PIN1: variants seen among roughly 807,000 people sequenced by gnomAD.
The protein encoded by PIN1 is peptidylprolyl cis/trans isomerase, NIMA-interacting 1, also known as peptidyl-prolyl cis-trans isomerase NIMA-interacting 1.
Under a neutral mutation model 19.9 loss-of-function variants are expected in PIN1, and 8 were observed. The ratio of observed to expected loss-of-function variants is 0.40; its 90% CI spans 0.24 to 0.72. PIN1 has a LOEUF of 0.72. Among genes scored for constraint, PIN1 ranks in the 30% least tolerant of loss-of-function variants. The pLI, the probability that PIN1 is intolerant of heterozygous loss-of-function variation, is 0.37. For missense variants in PIN1, 185 were observed against 226.5 expected (o/e 0.82, Z 1.18); for synonymous variants, 86 against 90.8 (o/e 0.95, Z 0.30).
rs981681899 is a variant in PIN1, at chr19:9,835,367, C to T, written c.23C>T (p.Pro8Leu). The T allele has an allele frequency of 1.1e-4, 168 of 1,521,278 alleles. No individual in the cohort carries two copies. The highest frequency in any genetic ancestry group is 1.3e-4 in the Non-Finnish European group (150 of 1,141,334). The allele number at this position is 1,521,278 out of a possible 1,614,324, so 94.2% of individuals were successfully genotyped here. Residue 8 changes from proline (P) to leucine (L), a missense_variant, in exon 1 of 4, where the codon CCG (proline) becomes CTG (leucine). Pro to Leu is a moderately conservative substitution (Grantham distance 98, BLOSUM62 -3). Coordinates refer to ENST00000247970, the MANE Select transcript of PIN1 (RefSeq NM_006221.4). MADEEKL[P>L]PGWEKRMSRS... is the part of the protein sequence containing the mutation. ...AAGATGGCGGACGAGGAGAAGCTGCCGCCCGGCTGGGAGAAGCGCATGAGC... is the reference window on the plus strand; with the variant it reads ...AAGATGGCGGACGAGGAGAAGCTGCTGCCCGGCTGGGAGAAGCGCATGAGC...
intron 1 of PIN1, chr19:9,836,137 C>G (rs531014585): frequency 6.6e-6 from 1 of 152,262 alleles, no homozygotes; most frequent in South Asian, 2.1e-4. Flanking sequence ...CCTACAAATC[C>G]CCCTCCCCGT....
intron 3 of PIN1, 179 bp downstream of exon 3, chr19:9,848,319 C>T: frequency 3.3e-6 from 2 of 609,968 alleles, no homozygotes; most frequent in East Asian, 5.6e-5. Flanking sequence ...GCCAGGGCCA[C>T]ACAGGGAGGG....
In PIN1 at chr19:9,838,410, G is replaced by GA; in HGVS notation, c.59-24dup. The GA allele has an allele frequency of 6.4e-7, 1 of 1,570,058 alleles. No homozygotes were observed. Among genetic ancestry groups the GA allele is most frequent in the Non-Finnish European group, 8.7e-7 (1 of 1,155,960 alleles). On this transcript the variant is annotated intron_variant, in intron 1 of 3. Coordinates refer to ENST00000247970, the MANE Select transcript of PIN1 (RefSeq NM_006221.4). This position sits in a 1 kb window ranked among gnomAD's most constrained non-coding sequence, Gnocchi z 5.8. ...GTGTCCTGGGAGCACAACCCTAGCT[G>GA]AATTCCTGCCTGCCCTCCCCTCCAG...
intron 1 of PIN1, chr19:9,837,465 T>C (rs1335908223): frequency 1.3e-5 from 2 of 149,246 alleles, no homozygotes; most frequent in African/African-American, 5.4e-5. Flanking sequence ...GCCTGTTGTT[T>C]TTGTTTTTGT....
chr19:9,844,413 A>G (rs2046199024), intron 2 of PIN1, among the ~76,000 whole-genome samples: 1 of 152,166 alleles, frequency 6.6e-6, no homozygotes, highest in Non-Finnish European at 1.5e-5. Flanking sequence ...TCTGGACCTG[A>G]TGGAGTCTGG....
Position 9,835,333 on chromosome 19 carries a change from G to C in PIN1, c.-12G>C. On this transcript the variant is annotated 5_prime_UTR_variant, in exon 1 of 4. Coordinates refer to ENST00000247970, the MANE Select transcript of PIN1 (RefSeq NM_006221.4). Reference sequence around the variant, plus strand: ...CAGCTGAGGCGGAGCAGGCGCTGCGGCAGGAGGGAAGATGGCGGACGAGGA... The same window carrying C: ...CAGCTGAGGCGGAGCAGGCGCTGCGCCAGGAGGGAAGATGGCGGACGAGGA... 2.0e-6 allele frequency: 3 copies of C among 1,525,054 alleles called. No homozygotes were observed. Among genetic ancestry groups the C allele is most frequent in the Non-Finnish European group, 2.6e-6 (3 of 1,142,292 alleles). 94.5% of individuals were successfully genotyped at this position (1,525,054 alleles called of 1,614,324 possible).
chr19:9,842,279 G>A (rs1056161822), intron 2 of PIN1, among the ~76,000 whole-genome samples: 1 of 152,192 alleles, frequency 6.6e-6, no homozygotes, highest in Non-Finnish European at 1.5e-5. Context: ...GGATGTCTGG[G>A]GGAGGGTCAG....
In PIN1 at chr19:9,835,366, C is replaced by T. The variant is rs1275698758; in HGVS notation, c.22C>T (p.Pro8Ser). 4.6e-6 allele frequency: 7 copies of T among 1,522,476 alleles called. No homozygotes were observed. The highest frequency in any genetic ancestry group is 6.1e-6 in the Non-Finnish European group (7 of 1,141,790). The allele number at this position is 1,522,476 out of a possible 1,614,324, so 94.3% of individuals were successfully genotyped here. A position where few individuals can be genotyped will look rare whatever the true frequency, so the allele number is the denominator to read the frequency against. The change falls in exon 1 of 4, where the codon CCG (proline) becomes TCG (serine). Residue 8 changes from proline to serine, a missense_variant. Physicochemically the swap from Pro to Ser is moderately conservative, Grantham distance 74 (BLOSUM62 -1). Coordinates refer to ENST00000247970, the MANE Select transcript of PIN1 (RefSeq NM_006221.4). ...GAAGATGGCGGACGAGGAGAAGCTGCCGCCCGGCTGGGAGAAGCGCATGAG... is the reference window on the plus strand; with the variant it reads ...GAAGATGGCGGACGAGGAGAAGCTGTCGCCCGGCTGGGAGAAGCGCATGAG... MADEEKL[P>S]PGWEKRMSRS...
chr19:9,836,758 C>T, intron 1 of PIN1: 1 of 1,102,840 alleles, frequency 9.1e-7, no homozygotes, highest in Non-Finnish European at 1.2e-6. Flanking sequence ...TAGCTAAGAG[C>T]AGAGCTTTCG....
Position 9,838,521 on chromosome 19 carries a change from G to A in PIN1, c.144G>A (p.Gly48=). 1 of 1,601,474 alleles carries A rather than the reference G, an allele frequency of 6.2e-7. No individual in the cohort carries two copies. Among genetic ancestry groups the A allele is most frequent in the Non-Finnish European group, 8.5e-7 (1 of 1,175,518 alleles). ...ACAGCAGCAGTGGTGGCAAAAACGGGCAGGGGGAGCCTGCCAGGGTCCGCT... is the reference window on the plus strand; with the variant it reads ...ACAGCAGCAGTGGTGGCAAAAACGGACAGGGGGAGCCTGCCAGGGTCCGCT... ...SGNSSSGGKN[G]QGEPARVRCS... Residue 48 remains glycine (G), a synonymous_variant, in exon 2 of 4, where the codon GGG becomes GGA. Coordinates refer to ENST00000247970, the MANE Select transcript of PIN1 (RefSeq NM_006221.4). This position sits in a 1 kb window ranked among gnomAD's most constrained non-coding sequence, Gnocchi z 5.8.
At chr19:9,848,406 C>G (rs961847306) in intron 3 of PIN1, 1 of 485,430 alleles carries the variant, frequency 2.1e-6, no homozygotes, top group African/African-American at 1.9e-5. Flanking sequence ...CACAGATGTC[C>G]TCATCCCAGG....
At chr19:9,848,269 G>A (rs1429167606) in intron 3 of PIN1, 129 bp downstream of exon 3, 5 of 665,640 alleles carry the variant, frequency 7.5e-6, no homozygotes, top group Non-Finnish European at 2.7e-6. Context: ...TGGCAGCACA[G>A]CCCCTTCCTC....
chr19:9,843,966 C>T (rs998958449), intron 2 of PIN1, among the ~76,000 whole-genome samples: 2 of 152,126 alleles, frequency 1.3e-5, no homozygotes, highest in African/African-American at 4.8e-5. Context: ...AGGAGGATCG[C>T]TGGAACCTGG....
chr19:9,844,292 G>A (rs952311874), intron 2 of PIN1, among the ~76,000 whole-genome samples: 1 of 152,172 alleles, frequency 6.6e-6, no homozygotes, highest in Non-Finnish European at 1.5e-5. Context: ...CCTTGGAACA[G>A]GCTCCAACGT....
At position 9,846,242 on chromosome 19, in the gene PIN1, C is replaced by T. The variant is rs1024582950; in HGVS notation, c.272-1788C>T. ...CAGAAGCTGGGGCCCTGTATGGCAT[C>T]GATGTCCCTGTCAGACCAGGACACG... On this transcript the variant is annotated intron_variant, in intron 2 of 3. Transcript: ENST00000247970. This position sits in a 1 kb window ranked among gnomAD's most constrained non-coding sequence, Gnocchi z 5.9. Among the ~76,000 whole-genome samples, 1 of 152,288 alleles carries T rather than the reference C, an allele frequency of 6.6e-6. No individual in the cohort carries two copies. Among genetic ancestry groups the T allele is most frequent in the South Asian group, 2.1e-4 (1 of 4,824 alleles).
intron 1 of PIN1, chr19:9,836,596 C>T (rs534852904): frequency 9.4e-6 from 3 of 320,718 alleles, no homozygotes; most frequent in Admixed American, 3.9e-5. Context: ...GTCACCCAGG[C>T]GAACTGTCAG....
chr19:9,835,433 T>G, intron 1 of PIN1, 31 bp downstream of exon 1: 2 of 1,411,608 alleles, frequency 1.4e-6, no homozygotes, highest in East Asian at 2.9e-5. Context: ...GGGGCGGGAC[T>G]GCGCGGGCCC....
In PIN1 at chr19:9,847,683, C is replaced by T. The variant is rs144540186; in HGVS notation, c.272-347C>T. On this transcript the variant is annotated intron_variant, in intron 2 of 3. Transcript: ENST00000247970. ...CATCCAGCTTGTATGTAGATTTTCC[C>T]TCACGTGTGTGTGTGTGTGTGCATG... Among the ~76,000 whole-genome samples, 96 of 137,300 alleles carry T rather than the reference C, an allele frequency of 7.0e-4. 1 individual carries two copies. The highest frequency in any genetic ancestry group is 3.6e-3 in the Middle Eastern group (1 of 278). The allele number at this position is 137,300 out of a possible 152,430, so 90.1% of individuals were successfully genotyped here.
intron 2 of PIN1, among the ~76,000 whole-genome samples, chr19:9,842,806 T>A (rs2046181430): frequency 6.6e-6 from 1 of 152,188 alleles, no homozygotes; most frequent in African/African-American, 2.4e-5. Context: ...GAAGTGGATG[T>A]TCTCCCCTCG....
Sources: gnomAD v4.1 joint callset for allele counts (sites outside exome capture counted in the v4.1 genomes callset) on GRCh38, gnomAD v4.1.1 for gene constraint, Gnocchi (gnomAD v3.1) non-coding constraint, MANE v1.5 for transcripts, NCBI Gene and HGNC (gene_info 2026-07-23, HGNC 2026-07-21) for gene names.